Variants in CCDC148 observed in about 807,000 individuals in gnomAD.
The protein encoded by CCDC148 is coiled-coil domain-containing protein 148.
CCDC148 carries 89 observed loss-of-function variants against 85.7 expected under a neutral mutation model. The ratio of observed to expected loss-of-function variants is 1.04; its 90% CI spans 0.87 to 1.24. The LOEUF (loss-of-function observed/expected upper bound fraction) is 1.24. CCDC148 is among the 50% of genes most tolerant of loss of function. The probability of loss-of-function intolerance (pLI) is 0.00; values close to 1 mark genes in which losing one functional copy is unlikely to be tolerated. For missense variants in CCDC148, 692 were observed against 671.7 expected, an observed-to-expected ratio of 1.03 and a Z score of -0.33; for synonymous variants, 230 against 213.9, an observed-to-expected ratio of 1.08 and a Z score of -0.66.
intron 11 of CCDC148, among the ~76,000 whole-genome samples, chr2:158,199,565 A>T (rs961532923): frequency 7.9e-5 from 12 of 152,168 alleles, no homozygotes; most frequent in Non-Finnish European, 1.3e-4. Context: ...ATTTAAAACC[A>T]GTTTTTAGCT....
intron 9 of CCDC148, among the ~76,000 whole-genome samples, chr2:158,257,243 A>G (rs1338897125): frequency 6.6e-6 from 1 of 151,772 alleles, no homozygotes; most frequent in East Asian, 1.9e-4. Flanking sequence ...CAGGATTTTC[A>G]GCAACTAATT....
chr2:158,318,310 G>C (rs1396260859), intron 7 of CCDC148, among the ~76,000 whole-genome samples: 1 of 152,132 alleles, frequency 6.6e-6, no homozygotes, highest in East Asian at 1.9e-4. Context: ...GGCTCTACCA[G>C]TCTGGCTACT....
intron 2 of CCDC148, among the ~76,000 whole-genome samples, chr2:158,352,418 A>G (rs1683364923): frequency 1.3e-5 from 2 of 152,368 alleles, no homozygotes; most frequent in Middle Eastern, 3.4e-3. Flanking sequence ...CTCGAGAACT[A>G]CGTGAAGAAT....
At chr2:158,181,252 A>C (rs987928501) in intron 11 of CCDC148, among the ~76,000 whole-genome samples, 1 of 152,098 alleles carries the variant, frequency 6.6e-6, no homozygotes, top group African/African-American at 2.4e-5. Flanking sequence ...CAGTCAGGGG[A>C]GCTTGACTAG....
At chr2:158,239,026 T>C (rs1688232941) in intron 10 of CCDC148, among the ~76,000 whole-genome samples, 1 of 152,156 alleles carries the variant, frequency 6.6e-6, no homozygotes, top group Non-Finnish European at 1.5e-5. Context: ...TTTCTTCATT[T>C]ATGAAATGAG....
At chr2:158,211,190 A>T (rs1019441667) in intron 11 of CCDC148, among the ~76,000 whole-genome samples, 48 of 151,118 alleles carry the variant, frequency 3.2e-4, no homozygotes, top group African/African-American at 1.1e-3. Context: ...ATAATAATAA[A>T]AAAAAAGAAA....
At chr2:158,266,234 G>C (rs1483983365) in intron 9 of CCDC148, among the ~76,000 whole-genome samples, 3 of 152,066 alleles carry the variant, frequency 2.0e-5, no homozygotes, top group Non-Finnish European at 4.4e-5. Flanking sequence ...AAGGGGGCTG[G>C]GTGTAAAATG....
chr2:158,355,565 C>G (rs1227876850), intron 2 of CCDC148, among the ~76,000 whole-genome samples: 1 of 136,044 alleles, frequency 7.4e-6, no homozygotes, highest in Non-Finnish European at 1.6e-5. Context: ...AACCACTGCT[C>G]AAGGAAATAA....
At chr2:158,339,421 C>T (rs1017734360) in intron 5 of CCDC148, among the ~76,000 whole-genome samples, 1 of 152,012 alleles carries the variant, frequency 6.6e-6, no homozygotes, top group Admixed American at 6.6e-5. Context: ...GCCTCTAATC[C>T]CCACCTGGGC....
intron 1 of CCDC148, among the ~76,000 whole-genome samples, chr2:158,417,710 A>T (rs1686566655): frequency 6.6e-6 from 1 of 152,092 alleles, no homozygotes; most frequent in Non-Finnish European, 1.5e-5. Flanking sequence ...CCCATAAATT[A>T]AGCTTGTCTA....
chr2:158,178,910 C>G lies in CCDC148; in HGVS notation c.1457G>C (p.Arg486Thr). ...ALQEAHEDKE[R>T]ARRLEALRKQ... ...CCTAAGGGCTTCTAGCCGCCGTGCT[C>G]TCTCTTTGTCTTCATGAGCTTCTTG... The change falls in exon 12 of 14, where the codon AGA becomes ACA. Residue 486 changes from arginine (R) to threonine (T), a missense_variant. Physicochemically the swap from Arg to Thr is moderately conservative, Grantham distance 71. Transcript: ENST00000283233. 1 of 1,613,604 alleles carries G rather than the reference C, an allele frequency of 6.2e-7. No homozygotes were observed. The highest frequency in any genetic ancestry group is 8.5e-7 in the Non-Finnish European group (1 of 1,179,716).
intron 1 of CCDC148, among the ~76,000 whole-genome samples, chr2:158,431,014 C>A (rs1574808694): frequency 6.6e-6 from 1 of 151,350 alleles, no homozygotes; most frequent in East Asian, 1.9e-4. Context: ...AAAGACACAA[C>A]AATAGAAATT....
In CCDC148 at chr2:158,267,646, T is replaced by G. The variant is rs1574508980; in HGVS notation, c.1111-16734A>C. Among the ~76,000 whole-genome samples the G allele has an allele frequency of 2.6e-5, 4 of 152,266 alleles. No individual in the cohort carries two copies. The Middle Eastern group carries it at 0.01, about 388-fold the overall frequency. ...ATAGAAAAACATATAAATTAGAGAT[T>G]GTCATTGATCTCTAAAAGAATTTAA... is the stretch of plus-strand genomic sequence containing the variant. On this transcript the variant is annotated intron_variant, in intron 9 of 13. Transcript: ENST00000283233.
intron 11 of CCDC148, among the ~76,000 whole-genome samples, chr2:158,205,650 A>C (rs1468361078): frequency 6.6e-6 from 1 of 152,104 alleles, no homozygotes; most frequent in Non-Finnish European, 1.5e-5. Flanking sequence ...ACATTAAAAA[A>C]GACAATCATA....
chr2:158,220,741 A>G, intron 10 of CCDC148, 28 bp from the exon 11 acceptor site: 1 of 1,490,204 alleles, frequency 6.7e-7, no homozygotes, highest in Non-Finnish European at 9.1e-7. Flanking sequence ...CATAAAATTT[A>G]AATTAACAAC....
chr2:158,199,502 C>T (rs748763966), intron 11 of CCDC148, among the ~76,000 whole-genome samples: 5 of 152,190 alleles, frequency 3.3e-5, no homozygotes, highest in Non-Finnish European at 7.3e-5. Context: ...ACCTTGGCCT[C>T]CCAAAGTGCT....
intron 9 of CCDC148, among the ~76,000 whole-genome samples, chr2:158,293,994 CTCCCTCCCTCCT>C (rs1691031622): frequency 4.5e-5 from 3 of 66,720 alleles, no homozygotes; most frequent in Non-Finnish European, 3.1e-5. Context: ...CCCTCCCTCC[CTCCCTCCCTCCT>C]TCCTTCCTTC....
intron 11 of CCDC148, among the ~76,000 whole-genome samples, chr2:158,187,212 C>T (rs928718292): frequency 6.6e-6 from 1 of 151,960 alleles, no homozygotes; most frequent in Non-Finnish European, 1.5e-5. Flanking sequence ...ATCCTTTGCT[C>T]CTTAAATCTG....
intron 1 of CCDC148, among the ~76,000 whole-genome samples, chr2:158,409,245 G>A (rs571479641): frequency 1.9e-4 from 29 of 152,228 alleles, no homozygotes; most frequent in Non-Finnish European, 2.6e-4. Flanking sequence ...TCCAGACTCC[G>A]GAATGGTAGA....
Sources: gnomAD v4.1 joint callset for allele counts (sites outside exome capture counted in the v4.1 genomes callset) on GRCh38, gnomAD v4.1.1 for gene constraint, MANE v1.5 for transcripts, NCBI Gene and HGNC (gene_info 2026-07-23, HGNC 2026-07-21) for gene names.